The following MS4A12 variants were observed in gnomAD, a reference collection of about 807,000 sequenced individuals.
MS4A12 encodes the protein membrane-spanning 4-domains subfamily A member 12.
MS4A12 carries 28 observed loss-of-function variants against 23.7 expected under a neutral mutation model. That is an observed-to-expected ratio of 1.18 (90% CI 0.88 to 1.62). The LOEUF is 1.62. Among genes scored for constraint, MS4A12 ranks in the 40% most tolerant of loss-of-function variants. The pLI is 0.00. For synonymous variants in MS4A12, 108 were observed against 110.1 expected, an observed-to-expected ratio of 0.98 and a Z score of 0.12; for missense variants, 342 against 327.0, an observed-to-expected ratio of 1.05 and a Z score of -0.35.
intron 5 of MS4A12, among the ~76,000 whole-genome samples, chr11:60,504,571 C>G (rs1473675522): frequency 6.6e-6 from 1 of 152,080 alleles, no homozygotes; most frequent in Admixed American, 6.5e-5. Flanking sequence ...TTTCAGTTTA[C>G]AAAAAGCAGA....
Position 60,497,293 on chromosome 11 carries a change from G to A in MS4A12, c.-6-20G>A. The A allele has an allele frequency of 6.3e-7, 1 of 1,579,042 alleles. No homozygotes were observed. Among genetic ancestry groups the A allele is most frequent in the Non-Finnish European group, 8.6e-7 (1 of 1,164,392 alleles). ...TTTTCTGGATAAACGTATCACTTTT[G>A]TATGTTTTGTGATACTTAGGACATA... On this transcript the variant is annotated intron_variant, in intron 1 of 6. Transcript: ENST00000016913.
intron 4 of MS4A12, among the ~76,000 whole-genome samples, chr11:60,502,613 T>C (rs2086539545): frequency 6.6e-6 from 1 of 152,150 alleles, no homozygotes. Context: ...CCTATTCCAA[T>C]TTCGTGGTCT....
At chr11:60,501,330 G>A in intron 3 of MS4A12, 148 bp downstream of exon 3, 1 of 885,978 alleles carries the variant, frequency 1.1e-6, no homozygotes, top group Non-Finnish European at 1.6e-6. Context: ...AAAATTAACA[G>A]CTCTGAATGA....
intron 1 of MS4A12, among the ~76,000 whole-genome samples, chr11:60,493,961 TGCAGTTGTTC>T (rs1270402294): frequency 3.3e-5 from 5 of 152,342 alleles, no homozygotes; most frequent in African/African-American, 1.2e-4. Flanking sequence ...TAAAAATAAT[TGCAGTTGTTC>T]TAATTCTTAT....
chr11:60,503,895 C>A, intron 5 of MS4A12, 78 bp downstream of exon 5: 2 of 1,220,008 alleles, frequency 1.6e-6, no homozygotes, highest in Non-Finnish European at 2.4e-6. Flanking sequence ...TTTCTTAATA[C>A]CGTATACCAG....
At chr11:60,493,917 C>T (rs762036271) in intron 1 of MS4A12, among the ~76,000 whole-genome samples, 55 of 152,260 alleles carry the variant, frequency 3.6e-4, no homozygotes, top group Middle Eastern at 3.4e-3. Flanking sequence ...TTGATCTCAT[C>T]AGAGCTCCAA....
Position 60,493,804 on chromosome 11 carries a change from G to T in MS4A12, c.-7+976G>T, listed in dbSNP as rs1378017188. Among the ~76,000 whole-genome samples, 4 of 152,280 alleles carry T rather than the reference G, an allele frequency of 2.6e-5. No homozygotes were observed. In the East Asian group the frequency reaches 7.7e-4, roughly 29 times the overall value. ...GTGAAGTTAGCATGAAAATGAGGTA[G>T]AAAGAAACTATAAAGAAGTAAATTT... On this transcript the variant is annotated intron_variant, in intron 1 of 6. Transcript: ENST00000016913.
intron 2 of MS4A12, among the ~76,000 whole-genome samples, chr11:60,498,607 G>A (rs935461843): frequency 1.3e-5 from 2 of 152,134 alleles, no homozygotes; most frequent in Non-Finnish European, 2.9e-5. Context: ...CAGAACTTAC[G>A]CCCTAGAGGG....
At chr11:60,500,456 T>A (rs1214108666) in intron 2 of MS4A12, among the ~76,000 whole-genome samples, 1 of 152,172 alleles carries the variant, frequency 6.6e-6, no homozygotes, top group Non-Finnish European at 1.5e-5. Flanking sequence ...CAGCAGTCAA[T>A]GTGCTGCAGT....
At chr11:60,497,690 C>G in intron 2 of MS4A12, 96 bp downstream of exon 2, 1 of 1,334,272 alleles carries the variant, frequency 7.5e-7, no homozygotes. Context: ...AAGTTCTGAA[C>G]GTTATTCTGA....
intron 1 of MS4A12, among the ~76,000 whole-genome samples, chr11:60,494,869 G>A (rs7951049): frequency 0.49 from 74,203 of 151,964 alleles, 18,391 homozygotes; most frequent in Admixed American, 0.59. Flanking sequence ...CAGATCCATA[G>A]GATGTATAAC....
chr11:60,495,001 T>C (rs2086477200), intron 1 of MS4A12, among the ~76,000 whole-genome samples: 1 of 151,958 alleles, frequency 6.6e-6, no homozygotes, highest in African/African-American at 2.4e-5. Context: ...TTTACATTTT[T>C]TTTTTTTTTG....
chr11:60,502,851 A>C (rs2086541542), intron 4 of MS4A12, among the ~76,000 whole-genome samples: 2 of 152,338 alleles, frequency 1.3e-5, no homozygotes, highest in Admixed American at 1.3e-4. Flanking sequence ...CAGTCCAAAA[A>C]CAAAATAAAG....
At chr11:60,504,760 C>T (rs1031163101) in intron 5 of MS4A12, among the ~76,000 whole-genome samples, 2 of 152,146 alleles carry the variant, frequency 1.3e-5, no homozygotes, top group South Asian at 2.1e-4. Flanking sequence ...CACTGGATCT[C>T]GGAGTGGCAG....
At chr11:60,503,896 C>A (rs1452389569) in intron 5 of MS4A12, 79 bp downstream of exon 5, 63 of 1,194,390 alleles carry the variant, frequency 5.3e-5, no homozygotes, top group Middle Eastern at 4.1e-4. Context: ...TTCTTAATAC[C>A]GTATACCAGC....
At chr11:60,498,579 G>A (rs2086506929) in intron 2 of MS4A12, among the ~76,000 whole-genome samples, 1 of 152,180 alleles carries the variant, frequency 6.6e-6, no homozygotes, top group Non-Finnish European at 1.5e-5. Context: ...CACAAAGGAG[G>A]TGCAATCTCT....
chr11:60,506,801 C>T lies in MS4A12; in HGVS notation c.662C>T (p.Ala221Val), dbSNP rs1423000621. 2 of 1,614,142 alleles carry T rather than the reference C, an allele frequency of 1.2e-6. No individual in the cohort carries two copies. Among genetic ancestry groups the T allele is most frequent in the South Asian group, 1.1e-5 (1 of 91,076 alleles). ...GAGTTCTTCGTAGCTTGTGCCACAG[C>T]CCATTTTGCCAACCAAGCAAACACC... ...LLEFFVACAT[A>V]HFANQANTTT... Residue 221 changes from alanine (A) to valine (V), a missense_variant, in exon 6 of 7, where the codon GCC (alanine) becomes GTC (valine). Ala to Val is a moderately conservative substitution (Grantham distance 64). Coordinates refer to ENST00000016913, the MANE Select transcript of MS4A12 (RefSeq NM_017716.3).
At chr11:60,503,380 T>C (rs565163449) in intron 4 of MS4A12, among the ~76,000 whole-genome samples, 92 of 152,330 alleles carry the variant, frequency 6.0e-4, no homozygotes, top group African/African-American at 2.2e-3. Context: ...AAAATGCTCA[T>C]TAGAAGTTTG....
intron 5 of MS4A12, among the ~76,000 whole-genome samples, chr11:60,505,150 G>A: frequency 6.6e-6 from 1 of 152,126 alleles, no homozygotes; most frequent in Non-Finnish European, 1.5e-5. Context: ...ACATGGCTGG[G>A]GAGGCCTCAC....
Sources: allele counts gnomAD v4.1 joint callset (sites outside exome capture counted in the v4.1 genomes callset), GRCh38; gene constraint gnomAD v4.1.1; transcripts MANE v1.5; gene names NCBI Gene and HGNC (gene_info 2026-07-23, HGNC 2026-07-21).